CDH18: variants seen among roughly 807,000 people sequenced by gnomAD.
CDH18 encodes the protein cadherin 18.
In CDH18, 31 loss-of-function variants were observed where a neutral mutation model predicts 67.9. The observed-to-expected ratio is 0.46, with a 90% CI of 0.34 to 0.62. The LOEUF is 0.62. Among genes scored for constraint, CDH18 ranks in the 20% least tolerant of loss-of-function variants. The pLI, the probability that CDH18 is intolerant of heterozygous loss-of-function variation, is 0.01. For synonymous variants in CDH18, 362 were observed against 347.2 expected (o/e 1.04, Z -0.48); for missense variants, 890 against 975.5 (o/e 0.91, Z 1.17).
At chr5:20,042,884 C>T (rs1740563273) in intron 2 of CDH18, among the ~76,000 whole-genome samples, 1 of 151,924 alleles carries the variant, frequency 6.6e-6, no homozygotes, top group Non-Finnish European at 1.5e-5. Context: ...ATGGCGTGAA[C>T]CCGGGAGGCA....
At chr5:20,005,861 T>A (rs1736860160) in intron 2 of CDH18, among the ~76,000 whole-genome samples, 1 of 152,008 alleles carries the variant, frequency 6.6e-6, no homozygotes, top group Admixed American at 6.6e-5. Flanking sequence ...TTTAACTACG[T>A]TTCATGGATT....
intron 1 of CDH18, among the ~76,000 whole-genome samples, chr5:20,291,026 G>T (rs1747064969): frequency 6.6e-6 from 1 of 152,006 alleles, no homozygotes; most frequent in South Asian, 2.1e-4. Flanking sequence ...ATGTACCCAT[G>T]GTCTTAAATA....
chr5:19,734,446 T>C (rs1428051572), intron 4 of CDH18, among the ~76,000 whole-genome samples: 1 of 152,172 alleles, frequency 6.6e-6, no homozygotes, highest in African/African-American at 2.4e-5. Context: ...TTTGGTTTAC[T>C]GGAAGTTAAT....
chr5:20,345,814 C>T (rs1022048301), intron 1 of CDH18, among the ~76,000 whole-genome samples: 2 of 152,044 alleles, frequency 1.3e-5, no homozygotes, highest in African/African-American at 4.8e-5. Context: ...TTCTGTAGTC[C>T]TTCCATTTCA....
chr5:19,639,010 T>A (rs10045190), intron 5 of CDH18, among the ~76,000 whole-genome samples: 1 of 145,818 alleles, frequency 6.9e-6, no homozygotes, highest in Admixed American at 6.9e-5. Flanking sequence ...TTTTTGTTTG[T>A]TTTTTCTTTT....
At chr5:20,173,296 T>A (rs923321084) in intron 2 of CDH18, among the ~76,000 whole-genome samples, 11 of 152,110 alleles carry the variant, frequency 7.2e-5, no homozygotes, top group African/African-American at 2.4e-4. Flanking sequence ...AATGTATACA[T>A]CAAGGAAACT....
At chr5:20,486,819 T>C (rs1581093092) in intron 1 of CDH18, among the ~76,000 whole-genome samples, 1 of 151,868 alleles carries the variant, frequency 6.6e-6, no homozygotes, top group East Asian at 1.9e-4. Context: ...TTCTATTTCT[T>C]TTATGTTAAC....
At chr5:20,507,866 C>A (rs537536044) in intron 1 of CDH18, among the ~76,000 whole-genome samples, 21 of 152,080 alleles carry the variant, frequency 1.4e-4, no homozygotes, top group African/African-American at 2.2e-4. Context: ...ACTTTTTAGG[C>A]AACCTAAGCA....
intron 3 of CDH18, among the ~76,000 whole-genome samples, chr5:19,807,811 T>A (rs956202845): frequency 6.6e-6 from 1 of 152,160 alleles, no homozygotes; most frequent in Admixed American, 6.5e-5. Flanking sequence ...TTACACTGTG[T>A]ATGTAGTAAG....
chr5:19,681,326 GCCCTCAT>G (rs1317841661), intron 5 of CDH18, among the ~76,000 whole-genome samples: 1 of 151,808 alleles, frequency 6.6e-6, no homozygotes, highest in African/African-American at 2.4e-5. Context: ...TGTACACCAA[GCCCTCAT>G]GACATGCAAT....
intron 1 of CDH18, among the ~76,000 whole-genome samples, chr5:20,404,457 A>C (rs10071706): frequency 0.048 from 7,237 of 152,060 alleles, 465 homozygotes; most frequent in African/African-American, 0.15. Context: ...TCTTCCTTTC[A>C]CTTGAACACT....
chr5:20,276,961 G>A (rs1193739147), intron 1 of CDH18, among the ~76,000 whole-genome samples: 3 of 152,062 alleles, frequency 2.0e-5, no homozygotes, highest in Admixed American at 6.6e-5. Context: ...GAGTAGGAAG[G>A]ACTTTGTCTT....
chr5:19,611,094 T>C (rs1306795550), intron 6 of CDH18, among the ~76,000 whole-genome samples: 1 of 152,176 alleles, frequency 6.6e-6, no homozygotes, highest in Admixed American at 6.6e-5. Flanking sequence ...TGCTGGGCCC[T>C]CACTGGGCTG....
chr5:19,790,413 C>G (rs1776236771), intron 3 of CDH18, among the ~76,000 whole-genome samples: 1 of 152,066 alleles, frequency 6.6e-6, no homozygotes, highest in Non-Finnish European at 1.5e-5. Context: ...GCTGTCTATA[C>G]AGTGGCATAA....
At chr5:19,672,550 T>A (rs562010810) in intron 5 of CDH18, among the ~76,000 whole-genome samples, 45 of 152,104 alleles carry the variant, frequency 3.0e-4, no homozygotes, top group African/African-American at 1.0e-3. Flanking sequence ...GTAATTCCTG[T>A]AAATATTCTA....
intron 1 of CDH18, among the ~76,000 whole-genome samples, chr5:20,295,100 CTGTTT>C (rs1428641931): frequency 1.5e-4 from 23 of 152,254 alleles, no homozygotes; most frequent in African/African-American, 5.1e-4. Context: ...GTTTTCTCCA[CTGTTT>C]TAAGATAAAA....
At chr5:20,257,457 T>C (rs985324779) in intron 1 of CDH18, among the ~76,000 whole-genome samples, 2 of 140,422 alleles carry the variant, frequency 1.4e-5, no homozygotes, top group Non-Finnish European at 3.1e-5. Flanking sequence ...AGCATATGGC[T>C]GATCATTTTA....
At chr5:20,103,408 TGATA>T (rs1277761375) in intron 2 of CDH18, among the ~76,000 whole-genome samples, 1 of 152,006 alleles carries the variant, frequency 6.6e-6, no homozygotes, top group Admixed American at 6.6e-5. Context: ...AGTAGAAGAA[TGATA>T]CCACTTTTAG....
At chr5:20,365,950 A>G (rs1742481666) in intron 1 of CDH18, among the ~76,000 whole-genome samples, 1 of 151,686 alleles carries the variant, frequency 6.6e-6, no homozygotes, top group South Asian at 2.1e-4. Context: ...TGCCTGGTCT[A>G]TAAATAACAA....
Sources: gnomAD v4.1 joint callset for allele counts (sites outside exome capture counted in the v4.1 genomes callset) on GRCh38, gnomAD v4.1.1 for gene constraint, MANE v1.5 for transcripts, NCBI Gene and HGNC (gene_info 2026-07-23, HGNC 2026-07-21) for gene names.